Variants in SDCBP observed in about 807,000 individuals in gnomAD.
SDCBP encodes the protein syntenin-1.
SDCBP carries 22 observed loss-of-function variants against 30.5 expected under a neutral mutation model. That is an observed-to-expected ratio of 0.72 (90% CI 0.52 to 1.03). The LOEUF is 1.03. Among genes scored for constraint, SDCBP ranks in the 50% least tolerant of loss-of-function variants. The pLI, the probability that SDCBP is intolerant of heterozygous loss-of-function variation, is 0.00. For missense variants in SDCBP, 304 were observed against 369.9 expected, an observed-to-expected ratio of 0.82 and a Z score of 1.46; for synonymous variants, 103 against 118.7, an observed-to-expected ratio of 0.87 and a Z score of 0.86.
intron 7 of SDCBP, 59 bp downstream of exon 7, chr8:58,579,853 A>T: frequency 6.7e-7 from 1 of 1,500,162 alleles, no homozygotes; most frequent in Non-Finnish European, 8.9e-7. Context: ...CTGTCTTTTG[A>T]CTGTATTTAG....
At chr8:58,564,875 ATTC>A (rs1804620181) in intron 1 of SDCBP, 141 bp from the exon 2 acceptor site, 2 of 479,068 alleles carry the variant, frequency 4.2e-6, no homozygotes, top group Non-Finnish European at 7.3e-6. Flanking sequence ...TGGCCTATAT[ATTC>A]TTATTTTTTA....
intron 6 of SDCBP, 178 bp downstream of exon 6, chr8:58,578,386 TG>T: frequency 2.1e-6 from 1 of 465,540 alleles, no homozygotes; most frequent in Non-Finnish European, 3.8e-6. Flanking sequence ...TAAAGCATTC[TG>T]ATACGATACC....
At chr8:58,570,487 T>G (rs1350560546) in intron 2 of SDCBP, among the ~76,000 whole-genome samples, 2 of 151,526 alleles carry the variant, frequency 1.3e-5, no homozygotes, top group African/African-American at 2.4e-5. Context: ...GACTTTTATA[T>G]GAATATGGGT....
Position 58,581,986 on chromosome 8 carries a change from ATAG to A in SDCBP, c.*248_*250del. ...CAAGAGATTTACTGACTTTCCTAGA[ATAG>A]TTTCTCTACTGGAAACCTGATGCTT... On this transcript the variant is annotated 3_prime_UTR_variant, in exon 9 of 9. Coordinates refer to ENST00000260130, the MANE Select transcript of SDCBP (RefSeq NM_005625.4). 1 of 482,192 alleles carries A rather than the reference ATAG, an allele frequency of 2.1e-6. No individual in the cohort carries two copies. Among genetic ancestry groups the A allele is most frequent in the Non-Finnish European group, 3.7e-6 (1 of 267,256 alleles). The allele number at this position is 482,192 out of a possible 1,614,324, so 29.9% of individuals were successfully genotyped here. A position where few individuals can be genotyped will look rare whatever the true frequency, so the allele number is the denominator to read the frequency against.
intron 4 of SDCBP, 81 bp downstream of exon 4, chr8:58,572,395 TCA>T: frequency 1.1e-6 from 1 of 911,268 alleles, no homozygotes; most frequent in Non-Finnish European, 1.8e-6. Context: ...TGTGGCTAAC[TCA>T]CAGATATACT....
intron 5 of SDCBP, 117 bp from the exon 6 acceptor site, chr8:58,577,916 T>C: frequency 1.3e-6 from 1 of 759,500 alleles, no homozygotes; most frequent in Non-Finnish European, 2.1e-6. Context: ...TTCTTTTTCT[T>C]TCTTTTTTGT....
chr8:58,558,907 G>A (rs1804291806), intron 1 of SDCBP, among the ~76,000 whole-genome samples: 1 of 152,150 alleles, frequency 6.6e-6, no homozygotes, highest in South Asian at 2.1e-4. Context: ...GTGGTTTGCA[G>A]CTACAACATT....
chr8:58,569,781 A>G (rs1585695537), intron 2 of SDCBP, among the ~76,000 whole-genome samples: 1 of 152,096 alleles, frequency 6.6e-6, no homozygotes, highest in Non-Finnish European at 1.5e-5. Flanking sequence ...CAATTTGTGG[A>G]TTGTTATTTA....
chr8:58,568,729 A>G (rs1020441001), intron 2 of SDCBP, among the ~76,000 whole-genome samples: 2 of 152,182 alleles, frequency 1.3e-5, no homozygotes. Context: ...TCATGGGACC[A>G]CTATTGTATA....
At chr8:58,579,866 G>T in intron 7 of SDCBP, 72 bp downstream of exon 7, 1 of 1,407,928 alleles carries the variant, frequency 7.1e-7, no homozygotes, top group African/African-American at 1.4e-5. Context: ...GTATTTAGGT[G>T]GCGCTGTTTT....
intron 1 of SDCBP, among the ~76,000 whole-genome samples, chr8:58,564,239 C>T (rs185513370): frequency 9.6e-4 from 146 of 152,206 alleles, no homozygotes; most frequent in Middle Eastern, 3.4e-3. Flanking sequence ...AAGAATCTTA[C>T]GTTAAACCAC....
At chr8:58,569,126 C>A (rs945598318) in intron 2 of SDCBP, among the ~76,000 whole-genome samples, 2 of 152,112 alleles carry the variant, frequency 1.3e-5, no homozygotes, top group Non-Finnish European at 2.9e-5. Context: ...ACTGCAACCT[C>A]CTCCTCCTGG....
intron 7 of SDCBP, 75 bp downstream of exon 7, chr8:58,579,869 G>T: frequency 7.2e-7 from 1 of 1,384,794 alleles, no homozygotes; most frequent in Non-Finnish European, 9.6e-7. Flanking sequence ...TTTAGGTGGC[G>T]CTGTTTTCAT....
chr8:58,571,057 G>A (rs1804989668), intron 3 of SDCBP, 92 bp downstream of exon 3: 1 of 898,586 alleles, frequency 1.1e-6, no homozygotes, highest in African/African-American at 1.7e-5. Context: ...TTTTTGGACA[G>A]GCTGCATAAA....
intron 8 of SDCBP, 113 bp downstream of exon 8, chr8:58,580,721 T>C: frequency 3.1e-6 from 2 of 643,614 alleles, no homozygotes; most frequent in Non-Finnish European, 5.5e-6. Flanking sequence ...TACTGGTGTT[T>C]TATCTAGAAA....
chr8:58,573,385 G>T (rs552305204), intron 4 of SDCBP, among the ~76,000 whole-genome samples: 26 of 152,240 alleles, frequency 1.7e-4, no homozygotes, highest in Middle Eastern at 3.4e-3. Flanking sequence ...ACAAATAATA[G>T]TAGGTATTTT....
At chr8:58,556,175 A>G (rs1182807799) in intron 1 of SDCBP, among the ~76,000 whole-genome samples, 4 of 152,222 alleles carry the variant, frequency 2.6e-5, no homozygotes, top group African/African-American at 7.2e-5. Context: ...TTTTGGCACC[A>G]GGGACTGGTT....
At chr8:58,565,709 G>A (rs1804671695) in intron 2 of SDCBP, among the ~76,000 whole-genome samples, 1 of 152,044 alleles carries the variant, frequency 6.6e-6, no homozygotes. Flanking sequence ...TTCTGCTTAA[G>A]AACAAAGTGA....
At chr8:58,574,556 G>A (rs1042151614) in intron 4 of SDCBP, among the ~76,000 whole-genome samples, 10 of 152,014 alleles carry the variant, frequency 6.6e-5, no homozygotes, top group South Asian at 2.1e-4. Context: ...TCTTCAGTGC[G>A]CCGCCTTTTA....
Sources: gnomAD v4.1 joint callset for allele counts (sites outside exome capture counted in the v4.1 genomes callset) on GRCh38, gnomAD v4.1.1 for gene constraint, MANE v1.5 for transcripts, NCBI Gene and HGNC (gene_info 2026-07-23, HGNC 2026-07-21) for gene names.